Variants in KLF7 observed in about 807,000 individuals in gnomAD.
KLF7 encodes KLF transcription factor 7, also known as Krueppel-like factor 7.
A neutral mutation model predicts 27.3 loss-of-function variants in KLF7; 2 were observed. That is an observed-to-expected ratio of 0.07 (90% confidence interval 0.03 to 0.23). The LOEUF is 0.23. KLF7 is among the 10% of genes least tolerant of loss of function. KLF7 has a pLI of 1.00. For synonymous variants in KLF7, 165 were observed against 162.4 expected, an observed-to-expected ratio of 1.02 and a Z score of -0.12; for missense variants, 221 against 394.1, an observed-to-expected ratio of 0.56 and a Z score of 3.72.
intron 2 of KLF7, among the ~76,000 whole-genome samples, chr2:207,111,745 GCT>G: frequency 6.6e-6 from 1 of 152,110 alleles, no homozygotes; most frequent in East Asian, 1.9e-4. Flanking sequence ...AAAAAGATCT[GCT>G]CTCCAAGAAG....
At chr2:207,098,778 A>ATTTTTTTTTTTT (rs1182598901) in intron 2 of KLF7, among the ~76,000 whole-genome samples, 1 of 104,694 alleles carries the variant, frequency 9.6e-6, no homozygotes, top group Non-Finnish European at 1.8e-5. Flanking sequence ...CACTTGGCTA[A>ATTTTTTTTTTTT]TTTTTTTTTT....
intron 2 of KLF7, among the ~76,000 whole-genome samples, chr2:207,105,414 A>G (rs2076858419): frequency 6.6e-6 from 1 of 152,156 alleles, no homozygotes; most frequent in Admixed American, 6.5e-5. Flanking sequence ...TGATGTTTCC[A>G]TCTTAGGGAG....
chr2:207,085,084 C>A (rs1356177778), intron 3 of KLF7, among the ~76,000 whole-genome samples: 1 of 146,562 alleles, frequency 6.8e-6, no homozygotes, highest in Non-Finnish European at 1.5e-5. Flanking sequence ...ATCGCCTGAA[C>A]CCCGGAGGCA....
chr2:207,090,953 T>G (rs2076497726), intron 2 of KLF7, among the ~76,000 whole-genome samples: 1 of 152,134 alleles, frequency 6.6e-6, no homozygotes, highest in African/African-American at 2.4e-5. Context: ...CATGAAGGCC[T>G]TCGAATGTAG....
At chr2:207,119,927 C>T (rs2284936) in intron 2 of KLF7, among the ~76,000 whole-genome samples, 39,208 of 152,078 alleles carry the variant, frequency 0.26, 5,737 homozygotes, top group East Asian at 0.51. Context: ...CTCCTGACCT[C>T]AGGTGATCCA....
chr2:207,085,745 A>G (rs2076373625), intron 3 of KLF7, among the ~76,000 whole-genome samples: 1 of 152,210 alleles, frequency 6.6e-6, no homozygotes, highest in Non-Finnish European at 1.5e-5. Flanking sequence ...AAACAACAGA[A>G]AGCGGGACAA....
At chr2:207,138,321 C>T (rs910219720) in intron 1 of KLF7, among the ~76,000 whole-genome samples, 1 of 152,170 alleles carries the variant, frequency 6.6e-6, no homozygotes, top group Non-Finnish European at 1.5e-5. Flanking sequence ...ATGCACAACA[C>T]AAATTAAGTT....
At chr2:207,130,061 C>T (rs1410712194) in intron 1 of KLF7, among the ~76,000 whole-genome samples, 2 of 152,212 alleles carry the variant, frequency 1.3e-5, no homozygotes, top group Non-Finnish European at 2.9e-5. Flanking sequence ...TCACCAATTA[C>T]GTGGAACTTG....
intron 1 of KLF7, among the ~76,000 whole-genome samples, chr2:207,136,599 A>T (rs1353404752): frequency 1.3e-5 from 2 of 152,210 alleles, no homozygotes; most frequent in African/African-American, 4.8e-5. Flanking sequence ...AAGTCCTGGA[A>T]AGGTCTAAAT....
At position 207,123,752 on chromosome 2, in the gene KLF7, T is replaced by C. The variant is rs748052612; in HGVS notation, c.733+22A>G. On this transcript the variant is annotated intron_variant, in intron 2 of 3. Coordinates refer to ENST00000309446, the MANE Select transcript of KLF7 (RefSeq NM_003709.4). Reference sequence around the variant, plus strand: ...ACAGGAGGGGAAAGAAGAAACCACGTGCGGCCAACTTGTACCACTACCTGT... The same window carrying C: ...ACAGGAGGGGAAAGAAGAAACCACGCGCGGCCAACTTGTACCACTACCTGT... The C allele has an allele frequency of 6.9e-6, 11 of 1,595,216 alleles. No individual in the cohort carries two copies. The Admixed American group carries it at 1.9e-4, about 27-fold the overall frequency.
chr2:207,100,191 GCCCT>G, intron 2 of KLF7, among the ~76,000 whole-genome samples: 1 of 152,128 alleles, frequency 6.6e-6, no homozygotes, highest in African/African-American at 2.4e-5. Context: ...GGAGAGAAGG[GCCCT>G]CCCTGGGCCA....
At chr2:207,151,373 C>A (rs1427456652) in intron 1 of KLF7, among the ~76,000 whole-genome samples, 1 of 150,538 alleles carries the variant, frequency 6.6e-6, no homozygotes, top group Admixed American at 6.6e-5. Flanking sequence ...AAGCTCAGGC[C>A]AGTTATCCGC....
chr2:207,085,210 A>G (rs2076361703), intron 3 of KLF7, among the ~76,000 whole-genome samples: 1 of 150,118 alleles, frequency 6.7e-6, no homozygotes, highest in Non-Finnish European at 1.5e-5. Context: ...CTAACGTCAC[A>G]TAGGGATTAA....
At chr2:207,088,746 T>C (rs1238070946) in intron 2 of KLF7, among the ~76,000 whole-genome samples, 165 bp from the exon 3 acceptor site, 7 of 152,220 alleles carry the variant, frequency 4.6e-5, no homozygotes, top group African/African-American at 7.2e-5. Context: ...GGGTTTTTTT[T>C]CCAAATCTCC....
chr2:207,137,303 T>C (rs1393275416), intron 1 of KLF7, among the ~76,000 whole-genome samples: 4 of 152,180 alleles, frequency 2.6e-5, no homozygotes, highest in African/African-American at 9.7e-5. Context: ...TGAAAGGTCC[T>C]TAAATGAAGA....
intron 1 of KLF7, among the ~76,000 whole-genome samples, chr2:207,163,194 C>T (rs2078597866): frequency 6.6e-6 from 1 of 152,210 alleles, no homozygotes; most frequent in Non-Finnish European, 1.5e-5. Flanking sequence ...ACATAAAGCT[C>T]ACTGGAGTGA....
At chr2:207,136,630 G>A (rs531021813) in intron 1 of KLF7, among the ~76,000 whole-genome samples, 10 of 152,192 alleles carry the variant, frequency 6.6e-5, no homozygotes, top group African/African-American at 2.2e-4. Context: ...CATGTTTATC[G>A]TTTATCTTTC....
intron 2 of KLF7, among the ~76,000 whole-genome samples, chr2:207,097,549 C>T (rs954547410): frequency 6.6e-6 from 1 of 152,176 alleles, no homozygotes; most frequent in Admixed American, 6.5e-5. Flanking sequence ...CCGTGGAGCA[C>T]AGCCATGGAA....
intron 3 of KLF7, among the ~76,000 whole-genome samples, chr2:207,087,982 C>T (rs902870710): frequency 1.3e-5 from 2 of 152,186 alleles, no homozygotes; most frequent in African/African-American, 4.8e-5. Flanking sequence ...CAGTACAATT[C>T]ATTTCCAATA....
Sources: gnomAD v4.1 joint callset for allele counts (sites outside exome capture counted in the v4.1 genomes callset) on GRCh38, gnomAD v4.1.1 for gene constraint, MANE v1.5 for transcripts, NCBI Gene and HGNC (gene_info 2026-07-23, HGNC 2026-07-21) for gene names.